The following CFAP74 variants were observed in gnomAD, a reference collection of about 807,000 sequenced individuals.
CFAP74 encodes the protein cilia and flagella associated protein 74.
A neutral mutation model predicts 188.9 loss-of-function variants in CFAP74; 124 were observed. The observed-to-expected ratio is 0.66, with a 90% CI of 0.57 to 0.76. The LOEUF is 0.76. CFAP74 is among the 30% of genes least tolerant of loss of function. The pLI is 0.00. For missense variants in CFAP74, 2,198 were observed against 2,165.2 expected (o/e 1.02, Z -0.30); for synonymous variants, 956 against 916.7 (o/e 1.04, Z -0.77).
intron 14 of CFAP74, among the ~76,000 whole-genome samples, chr1:1,963,122 T>C (rs535322771): frequency 6.5e-4 from 99 of 152,230 alleles, no homozygotes; most frequent in African/African-American, 2.2e-3. Flanking sequence ...AGGGAAAACT[T>C]ATCAGAATGG....
chr1:1,997,925 G>T (rs1007395772), intron 1 of CFAP74, among the ~76,000 whole-genome samples: 1 of 152,204 alleles, frequency 6.6e-6, no homozygotes, highest in African/African-American at 2.4e-5. Flanking sequence ...AGCTGTAAAA[G>T]ACATTTTTGA....
intron 6 of CFAP74, among the ~76,000 whole-genome samples, chr1:1,979,971 C>T (rs1656727009): frequency 6.6e-6 from 1 of 151,666 alleles, no homozygotes; most frequent in South Asian, 2.1e-4. Flanking sequence ...CTCCCACCAC[C>T]GAAGCAGCCT....
At chr1:1,997,799 A>G (rs1014157743) in intron 1 of CFAP74, among the ~76,000 whole-genome samples, 2 of 152,210 alleles carry the variant, frequency 1.3e-5, no homozygotes, top group Non-Finnish European at 2.9e-5. Context: ...TCTTCAACAA[A>G]TAAATGGCCT....
intron 16 of CFAP74, among the ~76,000 whole-genome samples, chr1:1,958,318 A>G (rs1011678986): frequency 6.6e-6 from 1 of 152,218 alleles, no homozygotes; most frequent in Admixed American, 6.5e-5. Context: ...TGCCCCGCTG[A>G]CGCAGGCTCA....
At chr1:1,988,400 C>T in intron 4 of CFAP74, 112 bp downstream of exon 4, 2 of 1,355,472 alleles carry the variant, frequency 1.5e-6, no homozygotes, top group Non-Finnish European at 2.0e-6. Flanking sequence ...GTGCGACCCT[C>T]CCTTGCAGGC....
In CFAP74 at chr1:1,942,247, C is replaced by CGCCTGTAAT; in HGVS notation, c.2487-92_2487-91insATTACAGGC. 1 of 1,300,598 alleles carries CGCCTGTAAT rather than the reference C, an allele frequency of 7.7e-7. No homozygotes were observed. Among genetic ancestry groups the CGCCTGTAAT allele is most frequent in the Non-Finnish European group, 1.0e-6 (1 of 1,004,362 alleles). The allele number at this position is 1,300,598 out of a possible 1,614,324, so 80.6% of individuals were successfully genotyped here. On this transcript the variant is annotated intron_variant, in intron 21 of 38. Transcript: ENST00000682832. This position sits in a 1 kb window ranked among gnomAD's most constrained non-coding sequence, Gnocchi z 4.3. ...TGGAGTTATTAAAACATTTCTGGCACCCAAGCCCCCGAGAGGTGCTCAGAG... is the reference window on the plus strand; with the variant it reads ...TGGAGTTATTAAAACATTTCTGGCACGCCTGTAATCCAAGCCCCCGAGAGGTGCTCAGAG...
At chr1:1,950,657 C>G (rs1654151740) in intron 18 of CFAP74, among the ~76,000 whole-genome samples, 1 of 152,154 alleles carries the variant, frequency 6.6e-6, no homozygotes, top group African/African-American at 2.4e-5. Context: ...CATTTTTTGA[C>G]TGGGTTATTT....
chr1:1,938,353 CACAT>C (rs1290779198), intron 25 of CFAP74, among the ~76,000 whole-genome samples: 1 of 151,504 alleles, frequency 6.6e-6, no homozygotes, highest in African/African-American at 2.4e-5. Context: ...CACGCTCACT[CACAT>C]GCAAGCTCAC....
chr1:1,929,940 G>A lies in CFAP74; in HGVS notation c.3288+120C>T, dbSNP rs539766936. ...GGGTCTGAGGGTCAGGTTCACTCCC[G>A]CCCCTGTTCTCCGGGTTGAAACCCT... On this transcript the variant is annotated intron_variant, in intron 26 of 38. Coordinates refer to ENST00000682832, the MANE Select transcript of CFAP74 (RefSeq NM_001304360.2). 24 of 1,170,324 alleles carry A rather than the reference G, an allele frequency of 2.1e-5. No homozygotes were observed. In the East Asian group the frequency reaches 2.6e-4, roughly 13 times the overall value. The allele number at this position is 1,170,324 out of a possible 1,614,324, so 72.5% of individuals were successfully genotyped here. A position where few individuals can be genotyped will look rare whatever the true frequency, so the allele number is the denominator to read the frequency against.
chr1:1,972,495 C>G (rs1424453672), intron 8 of CFAP74, among the ~76,000 whole-genome samples: 3 of 152,230 alleles, frequency 2.0e-5, no homozygotes, highest in African/African-American at 7.2e-5. Flanking sequence ...AGAAACAGTA[C>G]CTCAGCACTA....
chr1:1,936,051 C>T (rs1396429557), intron 25 of CFAP74, among the ~76,000 whole-genome samples: 1 of 150,988 alleles, frequency 6.6e-6, no homozygotes, highest in East Asian at 2.0e-4. Context: ...AACCCTGTCA[C>T]TACTAAAAAT....
At position 1,926,507 on chromosome 1, in the gene CFAP74, G is replaced by A. The variant is rs572398877; in HGVS notation, c.3778C>T (p.Arg1260Cys). Residue 1260 changes from arginine to cysteine, a missense_variant, in exon 31 of 39, where the codon CGC becomes TGC. Arg to Cys is a radical substitution (Grantham distance 180). Transcript: ENST00000682832. ...FNFGDVAVGHRSIKKISIQNV... is the reference protein window; with the variant it reads ...FNFGDVAVGHCSIKKISIQNV... ...TGGATGGAGATCTTCTTGATACTGC[G>A]GTGCCCTGAAATGGGGCAGGGAGCG... is the stretch of plus-strand genomic sequence containing the variant. The A allele has an allele frequency of 3.3e-5, 51 of 1,550,144 alleles. No individual in the cohort carries two copies. In the Middle Eastern group the frequency reaches 1.0e-3, roughly 30 times the overall value.
chr1:1,932,024 C>T lies in CFAP74; in HGVS notation c.3012-1688G>A, dbSNP rs1414015430. Among the ~76,000 whole-genome samples, 100 of 145,080 alleles carry T rather than the reference C, an allele frequency of 6.9e-4. 1 individual carries two copies. The highest frequency in any genetic ancestry group is 3.5e-3 in the Middle Eastern group (1 of 282). ...GAGGTTGCGGTGAGCTGAGATCGCC[C>T]CACTGCACTCCAGTCTGGGTGACAG... is the stretch of plus-strand genomic sequence containing the variant. On this transcript the variant is annotated intron_variant, in intron 25 of 38. Coordinates refer to ENST00000682832, the MANE Select transcript of CFAP74 (RefSeq NM_001304360.2).
At chr1:1,991,029 G>T in intron 1 of CFAP74, 54 bp from the exon 2 acceptor site, 3 of 1,242,692 alleles carry the variant, frequency 2.4e-6, no homozygotes, top group Non-Finnish European at 3.4e-6. Flanking sequence ...TTTAAAAGAC[G>T]GTGAATTAAC....
intron 14 of CFAP74, 47 bp from the exon 15 acceptor site, chr1:1,960,077 C>T (rs528239575): frequency 3.9e-5 from 60 of 1,520,312 alleles, no homozygotes; most frequent in East Asian, 2.2e-4. Flanking sequence ...CTGCGGAGGG[C>T]AGACGCTCGC....
At chr1:1,939,203 T>A (rs1653179310) in intron 24 of CFAP74, among the ~76,000 whole-genome samples, 1 of 152,210 alleles carries the variant, frequency 6.6e-6, no homozygotes, top group Non-Finnish European at 1.5e-5. Flanking sequence ...TGTGCATGTG[T>A]GTGCACGCAT....
In CFAP74 at chr1:1,955,717, T is replaced by G; in HGVS notation, c.2150A>C (p.Lys717Thr). The change falls in exon 18 of 39, where the codon AAG becomes ACG. Residue 717 changes from lysine to threonine, a missense_variant. By Grantham distance (78) the Lys-to-Thr change is moderately conservative (BLOSUM62 -1). Coordinates refer to ENST00000682832, the MANE Select transcript of CFAP74 (RefSeq NM_001304360.2). ...QSRKELEKLD[K>T]EQEEEQPAEP... is the part of the protein sequence containing the mutation. ...TGCGGGCTGCTCCTCCTCCTGCTCC[T>G]TGTCCAGCTTCTCCAGCTCCTTCCG... The G allele has an allele frequency of 6.2e-7, 1 of 1,612,800 alleles. No homozygotes were observed. Among genetic ancestry groups the G allele is most frequent in the African/African-American group, 1.3e-5 (1 of 75,010 alleles).
At chr1:1,925,574 T>C (rs1390746180) in intron 33 of CFAP74, among the ~76,000 whole-genome samples, 1 of 152,076 alleles carries the variant, frequency 6.6e-6, no homozygotes, top group Non-Finnish European at 1.5e-5. Flanking sequence ...CTAGGGGACA[T>C]CTGCAGCCTC....
At chr1:1,924,159 C>T (rs1172818143) in intron 34 of CFAP74, among the ~76,000 whole-genome samples, 1 of 42,398 alleles carries the variant, frequency 2.4e-5, no homozygotes, top group Non-Finnish European at 5.1e-5. Flanking sequence ...CCCAGCTCAC[C>T]GCCCACCCCC....
Sources: allele counts gnomAD v4.1 joint callset (sites outside exome capture counted in the v4.1 genomes callset), GRCh38; gene constraint gnomAD v4.1.1; non-coding constraint Gnocchi (gnomAD v3.1); transcripts MANE v1.5; gene names NCBI Gene and HGNC (gene_info 2026-07-23, HGNC 2026-07-21).